ARK2N: variants seen among roughly 807,000 people sequenced by gnomAD.
ARK2N encodes the protein protein ARK2N.
chr18:46,245,680 C>T, the ARK2N span, among the ~76,000 whole-genome samples: 1 of 151,300 alleles, frequency 6.6e-6, no homozygotes, highest in Non-Finnish European at 1.5e-5. Context: ...GCCTAGCATG[C>T]GACTGTCATA....
At chr18:46,192,436 G>A in the ARK2N span, among the ~76,000 whole-genome samples, 2 of 152,064 alleles carry the variant, frequency 1.3e-5, no homozygotes, top group African/African-American at 4.8e-5. Flanking sequence ...AATTATCTGG[G>A]CGTGGTGGTG....
chr18:46,191,356 T>G, the ARK2N span, among the ~76,000 whole-genome samples: 1 of 151,966 alleles, frequency 6.6e-6, no homozygotes, highest in Non-Finnish European at 1.5e-5. Context: ...TTAATTTTTT[T>G]TTTTTTGGTA....
At chr18:46,199,598 A>G in the ARK2N span, among the ~76,000 whole-genome samples, 3 of 149,564 alleles carry the variant, frequency 2.0e-5, no homozygotes, top group South Asian at 4.2e-4. Context: ...AAATGCTGTG[A>G]TTACACTTTC....
chr18:46,249,931 CCTGT>C, the ARK2N span, among the ~76,000 whole-genome samples: 23 of 152,144 alleles, frequency 1.5e-4, no homozygotes, highest in Non-Finnish European at 3.1e-4. Flanking sequence ...AAGCAATCCT[CCTGT>C]CTCAGTTTCC....
At chr18:46,178,981 C>T in the ARK2N span, among the ~76,000 whole-genome samples, 4 of 151,872 alleles carry the variant, frequency 2.6e-5, no homozygotes, top group East Asian at 1.9e-4. Flanking sequence ...TTTGCCCTTT[C>T]ACCCAGGCTG....
At chr18:46,209,271 A>G in the ARK2N span, among the ~76,000 whole-genome samples, 1 of 148,544 alleles carries the variant, frequency 6.7e-6, no homozygotes, top group African/African-American at 2.5e-5. Flanking sequence ...TCTGTAGCAG[A>G]TGTTATAATA....
At chr18:46,198,605 T>C in the ARK2N span, among the ~76,000 whole-genome samples, 1 of 152,108 alleles carries the variant, frequency 6.6e-6, no homozygotes. Flanking sequence ...CCCACTTGTC[T>C]TTTTTCTTTT....
At chr18:46,245,587 A>G in the ARK2N span, among the ~76,000 whole-genome samples, 1 of 151,104 alleles carries the variant, frequency 6.6e-6, no homozygotes, top group Non-Finnish European at 1.5e-5. Context: ...AAAAAAAAAA[A>G]AGAAAGAAAA....
the ARK2N span, among the ~76,000 whole-genome samples, chr18:46,207,534 C>T: frequency 6.6e-6 from 1 of 151,816 alleles, no homozygotes; most frequent in African/African-American, 2.4e-5. Context: ...GGATTACAGG[C>T]GCATGCCACA....
At chr18:46,220,478 A>G in the ARK2N span, among the ~76,000 whole-genome samples, 1 of 152,226 alleles carries the variant, frequency 6.6e-6, no homozygotes, top group African/African-American at 2.4e-5. Flanking sequence ...AAATATTTTT[A>G]AGTGACAAAT....
the ARK2N span, among the ~76,000 whole-genome samples, chr18:46,182,369 G>A: frequency 1.3e-5 from 2 of 152,190 alleles, no homozygotes; most frequent in African/African-American, 4.8e-5. Context: ...TTCCTGGCAT[G>A]TGGTTATCCA....
At chr18:46,188,262 A>G in the ARK2N span, among the ~76,000 whole-genome samples, 108,159 of 152,002 alleles carry the variant, frequency 0.71, 38,722 homozygotes, top group Middle Eastern at 0.76. Flanking sequence ...GTGCAATGGC[A>G]CGATCTTGGC....
the ARK2N span, chr18:46,232,613 C>T: frequency 1.3e-5 from 2 of 152,030 alleles, no homozygotes; most frequent in Non-Finnish European, 2.9e-5. Flanking sequence ...TCATTTTTCC[C>T]CCGATTTCTA....
the ARK2N span, among the ~76,000 whole-genome samples, chr18:46,202,214 G>T: frequency 9.2e-5 from 14 of 152,294 alleles, no homozygotes; most frequent in African/African-American, 2.6e-4. Context: ...TGTTGTGTCT[G>T]TTGGGAGGTA....
At chr18:46,242,844 A>ATT in the ARK2N span, among the ~76,000 whole-genome samples, 20 of 152,254 alleles carry the variant, frequency 1.3e-4, 1 homozygote, top group Admixed American at 1.1e-3. Context: ...CAATTTACCC[A>ATT]TTCTCTTGTT....
the ARK2N span, among the ~76,000 whole-genome samples, chr18:46,258,079 G>A: frequency 2.0e-5 from 3 of 151,950 alleles, no homozygotes; most frequent in East Asian, 1.9e-4. Context: ...GGTGCACGCC[G>A]CCATGCCTGG....
the ARK2N span, among the ~76,000 whole-genome samples, chr18:46,238,464 AC>A: frequency 2.6e-5 from 4 of 152,148 alleles, no homozygotes; most frequent in Non-Finnish European, 5.9e-5. Context: ...GAAAAGAAAA[AC>A]CTGAAACACG....
chr18:46,223,741 A>G, the ARK2N span, among the ~76,000 whole-genome samples: 4 of 152,280 alleles, frequency 2.6e-5, no homozygotes, highest in East Asian at 7.7e-4. Context: ...CACCCAGTCC[A>G]TTGGCTTTGG....
At chr18:46,205,714 T>C in the ARK2N span, among the ~76,000 whole-genome samples, 3 of 151,886 alleles carry the variant, frequency 2.0e-5, no homozygotes, top group Admixed American at 6.6e-5. Context: ...CTGTGGGTTG[T>C]TTTGTTTTGT....
Sources: gnomAD v4.1 joint callset for allele counts (sites outside exome capture counted in the v4.1 genomes callset) on GRCh38, gnomAD v4.1.1 for gene constraint, MANE v1.5 for transcripts, NCBI Gene and HGNC (gene_info 2026-07-23, HGNC 2026-07-21) for gene names.